The following SLC9A4 variants were observed in gnomAD, a reference collection of about 807,000 sequenced individuals.
SLC9A4 encodes the protein sodium/hydrogen exchanger 4.
A neutral mutation model predicts 67.4 loss-of-function variants in SLC9A4; 63 were observed. That is an observed-to-expected ratio of 0.93 (90% CI 0.76 to 1.15). SLC9A4 has a LOEUF of 1.15. Ranked by LOEUF, SLC9A4 falls within the 50% of genes most tolerant of loss-of-function variation. The pLI, the probability that SLC9A4 is intolerant of heterozygous loss-of-function variation, is 0.00. For missense variants in SLC9A4, 1,089 were observed against 987.7 expected, an observed-to-expected ratio of 1.10 and a Z score of -1.38; for synonymous variants, 393 against 367.2, an observed-to-expected ratio of 1.07 and a Z score of -0.80.
chr2:102,478,789 C>A (rs750097152), intron 1 of SLC9A4, 50 bp from the exon 2 acceptor site: 3 of 1,569,950 alleles, frequency 1.9e-6, no homozygotes, highest in Middle Eastern at 1.8e-4. Flanking sequence ...CTCAGGTACA[C>A]CCAGACCGTT....
At chr2:102,523,681 T>TGCCTGTGGCCTGGCCGCAGCCC (rs1190739783) in intron 9 of SLC9A4, among the ~76,000 whole-genome samples, 2 of 152,250 alleles carry the variant, frequency 1.3e-5, no homozygotes, top group East Asian at 3.8e-4. Flanking sequence ...CTTGGCAGGC[T>TGCCTGTGGCCTGGCCGCAGCCC]GCCTGTGGCC....
chr2:102,473,971 A>G lies in SLC9A4; in HGVS notation c.212A>G (p.Tyr71Cys), dbSNP rs372579387. The change falls in exon 1 of 12, where the codon TAT becomes TGT. Residue 71 changes from tyrosine (Y) to cysteine (C), a missense_variant. Physicochemically the swap from Tyr to Cys is radical, Grantham distance 194 (BLOSUM62 -2). Coordinates refer to ENST00000295269, the MANE Select transcript of SLC9A4 (RefSeq NM_001011552.4). ...ELDYDYVQIP[Y>C]EVTLWILLAS... Reference sequence around the variant, plus strand: ...GATTATGACTATGTGCAAATTCCTTATGAGGTCACTCTCTGGATACTTCTA... The same window carrying G: ...GATTATGACTATGTGCAAATTCCTTGTGAGGTCACTCTCTGGATACTTCTA... The G allele has an allele frequency of 1.2e-6, 2 of 1,613,966 alleles. No individual in the cohort carries two copies. Among genetic ancestry groups the G allele is most frequent in the Non-Finnish European group, 1.7e-6 (2 of 1,179,926 alleles).
At chr2:102,484,069 AC>A in intron 2 of SLC9A4, among the ~76,000 whole-genome samples, 2 of 152,136 alleles carry the variant, frequency 1.3e-5, no homozygotes, top group East Asian at 3.9e-4. Context: ...AGGTGCATCT[AC>A]TATGTCACTT....
At chr2:102,494,498 C>A (rs1301381505) in intron 2 of SLC9A4, among the ~76,000 whole-genome samples, 1 of 152,162 alleles carries the variant, frequency 6.6e-6, no homozygotes, top group East Asian at 1.9e-4. Flanking sequence ...AACAATATTA[C>A]ATTAACTGTT....
Position 102,532,798 on chromosome 2 carries a change from A to AAT in SLC9A4, c.*111_*112insTA. On this transcript the variant is annotated 3_prime_UTR_variant, in exon 12 of 12. Coordinates refer to ENST00000295269, the MANE Select transcript of SLC9A4 (RefSeq NM_001011552.4). ...GAGAGCTATTGAGTTTGCTGTGTTGAAGCTATTAAACATGGATCTATAAGC... is the reference window on the plus strand; with the variant it reads ...GAGAGCTATTGAGTTTGCTGTGTTGAATAGCTATTAAACATGGATCTATAAGC... 1.7e-6 allele frequency: 2 copies of AAT among 1,185,698 alleles called. No homozygotes were observed. The highest frequency in any genetic ancestry group is 2.3e-6 in the Non-Finnish European group (2 of 852,388). The allele number at this position is 1,185,698 out of a possible 1,614,324, so 73.4% of individuals were successfully genotyped here. A position where few individuals can be genotyped will look rare whatever the true frequency, so the allele number is the denominator to read the frequency against.
Position 102,508,095 on chromosome 2 carries a change from C to G in SLC9A4, c.1215C>G (p.Phe405Leu). 2 of 1,614,144 alleles carry G rather than the reference C, an allele frequency of 1.2e-6. No individual in the cohort carries two copies. The highest frequency in any genetic ancestry group is 2.2e-5 in the East Asian group (1 of 44,880). The change falls in exon 5 of 12, where the codon TTC becomes TTG. Residue 405 changes from phenylalanine to leucine, a missense_variant. Coordinates refer to ENST00000295269, the MANE Select transcript of SLC9A4 (RefSeq NM_001011552.4). ...CCTTTCTAGGCGTATTTGCTCTCTT[C>G]TATATCAGTAACCAGTTTCGGACTT... ...IWRAISVFAL[F>L]YISNQFRTFP...
intron 8 of SLC9A4, among the ~76,000 whole-genome samples, 186 bp from the exon 9 acceptor site, chr2:102,519,673 C>T (rs1171796985): frequency 6.6e-6 from 1 of 152,162 alleles, no homozygotes; most frequent in African/African-American, 2.4e-5. Flanking sequence ...ACAGTATTTT[C>T]AAAACCTGAA....
intron 2 of SLC9A4, among the ~76,000 whole-genome samples, chr2:102,495,746 T>C (rs1414535124): frequency 6.6e-6 from 1 of 152,096 alleles, no homozygotes; most frequent in Non-Finnish European, 1.5e-5. Context: ...GCAAAAGAAC[T>C]AAGGCAATTC....
chr2:102,510,419 A>G (rs1470969388), intron 6 of SLC9A4, among the ~76,000 whole-genome samples: 3 of 152,218 alleles, frequency 2.0e-5, no homozygotes, highest in Non-Finnish European at 4.4e-5. Flanking sequence ...ACCCTCAGGC[A>G]TGAGCCAAAG....
At position 102,478,855 on chromosome 2, in the gene SLC9A4, C is replaced by A. The variant is rs772320472; in HGVS notation, c.273C>A (p.His91Gln). 6.2e-6 allele frequency: 10 copies of A among 1,613,844 alleles called. No homozygotes were observed. The African/African-American group carries it at 1.2e-4, about 19-fold the overall frequency. ...SLAKIGFHLYHRLPGLMPESC... is the reference protein window; with the variant it reads ...SLAKIGFHLYQRLPGLMPESC... ...GTTCTGCAGGCTTCCACCTCTACCACAGGCTGCCAGGCCTCATGCCAGAAA... is the reference window on the plus strand; with the variant it reads ...GTTCTGCAGGCTTCCACCTCTACCAAAGGCTGCCAGGCCTCATGCCAGAAA... The change falls in exon 2 of 12, where the codon CAC (histidine) becomes CAA (glutamine). Residue 91 changes from histidine (H) to glutamine (Q), a missense_variant. By Grantham distance (24) the His-to-Gln change is conservative (BLOSUM62 0). Transcript: ENST00000295269.
chr2:102,526,926 T>C lies in SLC9A4; in HGVS notation c.2038+580T>C, dbSNP rs2104449945. 1.3e-5 allele frequency among the ~76,000 whole-genome samples: 2 copies of C among 152,344 alleles called. 1 individual carries two copies. The highest frequency in any genetic ancestry group is 3.8e-4 in the East Asian group (2 of 5,196). On this transcript the variant is annotated intron_variant, in intron 11 of 11. Coordinates refer to ENST00000295269, the MANE Select transcript of SLC9A4 (RefSeq NM_001011552.4). ...AAAATGATTTGCTATTAGCAAAAGGTGACATAATATATGTAATATGCCGTG... is the reference window on the plus strand; with the variant it reads ...AAAATGATTTGCTATTAGCAAAAGGCGACATAATATATGTAATATGCCGTG...
intron 9 of SLC9A4, among the ~76,000 whole-genome samples, chr2:102,521,899 G>A (rs1039087956): frequency 6.6e-6 from 1 of 152,176 alleles, no homozygotes; most frequent in East Asian, 1.9e-4. Flanking sequence ...GACTCTGGGC[G>A]ACCCTAATGC....
chr2:102,474,114 T>A (rs1471735337), intron 1 of SLC9A4, 99 bp downstream of exon 1: 1 of 1,334,444 alleles, frequency 7.5e-7, no homozygotes, highest in Non-Finnish European at 1.0e-6. Flanking sequence ...ATTTTAACTG[T>A]TACTGCTATT....
At chr2:102,485,727 G>A (rs1162382359) in intron 2 of SLC9A4, among the ~76,000 whole-genome samples, 1 of 152,230 alleles carries the variant, frequency 6.6e-6, no homozygotes, top group Non-Finnish European at 1.5e-5. Context: ...CAGGGGCCAT[G>A]TTGGCCCTGG....
chr2:102,499,438 C>T (rs1256983836), intron 2 of SLC9A4, among the ~76,000 whole-genome samples: 1 of 152,150 alleles, frequency 6.6e-6, no homozygotes, highest in African/African-American at 2.4e-5. Flanking sequence ...ATATTCTTAA[C>T]CAAATTCAGT....
intron 2 of SLC9A4, among the ~76,000 whole-genome samples, chr2:102,495,247 C>T (rs1684783049): frequency 6.6e-6 from 1 of 151,912 alleles, no homozygotes; most frequent in Admixed American, 6.6e-5. Flanking sequence ...AAGAAAATAA[C>T]ATTTTAGATA....
In SLC9A4 at chr2:102,488,606, T is replaced by A. The variant is rs566341347; in HGVS notation, c.720+9304T>A. ...CTCTGTTGCCCAGGCTGGAGTGCAG[T>A]GGCGCGATCTCAGCTCACTGTAAGC... On this transcript the variant is annotated intron_variant, in intron 2 of 11. Coordinates refer to ENST00000295269, the MANE Select transcript of SLC9A4 (RefSeq NM_001011552.4). Among the ~76,000 whole-genome samples, 12 of 149,866 alleles carry A rather than the reference T, an allele frequency of 8.0e-5. No homozygotes were observed. In the East Asian group the frequency reaches 2.3e-3, roughly 29 times the overall value.
intron 2 of SLC9A4, among the ~76,000 whole-genome samples, chr2:102,502,038 GT>G (rs1339617296): frequency 6.6e-6 from 1 of 152,134 alleles, no homozygotes; most frequent in Non-Finnish European, 1.5e-5. Flanking sequence ...ATTTCCTTGA[GT>G]TTTAGCTTCC....
chr2:102,480,869 T>A (rs557168745), intron 2 of SLC9A4, among the ~76,000 whole-genome samples: 2 of 152,280 alleles, frequency 1.3e-5, no homozygotes, highest in Non-Finnish European at 2.9e-5. Flanking sequence ...GGATGCCACA[T>A]GCCCCGCAGG....
Sources: allele counts gnomAD v4.1 joint callset (sites outside exome capture counted in the v4.1 genomes callset), GRCh38; gene constraint gnomAD v4.1.1; transcripts MANE v1.5; gene names NCBI Gene and HGNC (gene_info 2026-07-23, HGNC 2026-07-21).